The following UBTD2 variants were observed in gnomAD, a reference collection of about 807,000 sequenced individuals.
UBTD2 encodes the protein ubiquitin domain-containing protein 2.
Under a neutral mutation model 19.8 loss-of-function variants are expected in UBTD2, and 9 were observed. That is an observed-to-expected ratio of 0.46 (90% CI 0.27 to 0.79). The LOEUF is 0.79. Among genes scored for constraint, UBTD2 ranks in the 30% least tolerant of loss-of-function variants. The pLI is 0.14. For missense variants in UBTD2, 250 were observed against 300.4 expected (o/e 0.83, Z 1.24); for synonymous variants, 98 against 103.9 (o/e 0.94, Z 0.35).
chr5:172,214,844 T>C (rs1327860743), intron 2 of UBTD2, among the ~76,000 whole-genome samples: 1 of 152,240 alleles, frequency 6.6e-6, no homozygotes, highest in East Asian at 1.9e-4. Flanking sequence ...AATCAGACTT[T>C]CTGTTTCTAG....
chr5:172,235,819 A>G (rs1165167298), intron 1 of UBTD2, among the ~76,000 whole-genome samples: 1 of 151,678 alleles, frequency 6.6e-6, no homozygotes, highest in African/African-American at 2.4e-5. Context: ...GATAGAAGAT[A>G]GAAAGAAAAT....
At position 172,210,123 on chromosome 5, in the gene UBTD2, AATC is replaced by A. The variant is rs1771409655; in HGVS notation, c.*1704_*1706del. On this transcript the variant is annotated 3_prime_UTR_variant, in exon 3 of 3. Coordinates refer to ENST00000393792, the MANE Select transcript of UBTD2 (RefSeq NM_152277.3). Reference sequence around the variant, plus strand: ...GTGGTCTTCACTTGAATTTAGATTCAATCATCAGCAAATTTAAATTAGATATAG... The same window carrying A: ...GTGGTCTTCACTTGAATTTAGATTCAATCAGCAAATTTAAATTAGATATAG... 2 of 152,344 alleles carry A rather than the reference AATC, an allele frequency of 1.3e-5. No individual in the cohort carries two copies. The highest frequency in any genetic ancestry group is 4.8e-5 in the African/African-American group (2 of 41,582). 9.4% of individuals were successfully genotyped at this position (152,344 alleles called of 1,614,324 possible).
At chr5:172,246,751 CTTTTTTTTTTTTTT>C (rs70982379) in intron 1 of UBTD2, among the ~76,000 whole-genome samples, 665 of 62,540 alleles carry the variant, frequency 0.011, 11 homozygotes, top group African/African-American at 0.042. Flanking sequence ...GCCGAGATTG[CTTTTTTTTTTTTTT>C]TTTTTTTTTT....
chr5:172,212,263 C>T (rs1771467400), intron 2 of UBTD2, 36 bp from the exon 3 acceptor site: 2 of 1,542,028 alleles, frequency 1.3e-6, no homozygotes. Flanking sequence ...GAACTTAATC[C>T]TTAATGAATG....
chr5:172,227,806 G>A lies in UBTD2; in HGVS notation c.307+6316C>T, dbSNP rs918277735. On this transcript the variant is annotated intron_variant, in intron 2 of 2. Coordinates refer to ENST00000393792, the MANE Select transcript of UBTD2 (RefSeq NM_152277.3). Reference sequence around the variant, plus strand: ...AGCAATTCTCCTGCCTCAGCCTCCCGAGTAGCTGGGATTACAGGCACCCGC... The same window carrying A: ...AGCAATTCTCCTGCCTCAGCCTCCCAAGTAGCTGGGATTACAGGCACCCGC... 3.6e-5 allele frequency among the ~76,000 whole-genome samples: 5 copies of A among 140,258 alleles called. No individual in the cohort carries two copies. In the East Asian group the frequency reaches 9.1e-4, roughly 26 times the overall value. The allele number at this position is 140,258 out of a possible 152,430, so 92.0% of individuals were successfully genotyped here.
chr5:172,213,493 A>G (rs1771487564), intron 2 of UBTD2, among the ~76,000 whole-genome samples: 1 of 152,254 alleles, frequency 6.6e-6, no homozygotes, highest in Admixed American at 6.5e-5. Context: ...TGGATTAAAA[A>G]GGAAAAACAA....
intron 1 of UBTD2, among the ~76,000 whole-genome samples, chr5:172,276,929 T>C (rs1021609119): frequency 1.3e-4 from 20 of 151,408 alleles, no homozygotes; most frequent in African/African-American, 4.6e-4. Flanking sequence ...AATTAGCCGG[T>C]GTGGAGGTGC....
chr5:172,258,660 G>C (rs756292957), intron 1 of UBTD2, among the ~76,000 whole-genome samples: 1 of 152,106 alleles, frequency 6.6e-6, no homozygotes, highest in Non-Finnish European at 1.5e-5. Context: ...TCTTGTTGTA[G>C]AGATCTTTCA....
At chr5:172,213,492 A>G (rs1417887874) in intron 2 of UBTD2, among the ~76,000 whole-genome samples, 1 of 152,244 alleles carries the variant, frequency 6.6e-6, no homozygotes, top group Non-Finnish European at 1.5e-5. Flanking sequence ...ATGGATTAAA[A>G]AGGAAAAACA....
intron 2 of UBTD2, among the ~76,000 whole-genome samples, chr5:172,232,316 T>TAAAAAAAAAAAAAAAAAAAAAAAAAAAA (rs10558751): frequency 7.6e-6 from 1 of 132,036 alleles, no homozygotes; most frequent in African/African-American, 2.7e-5. Context: ...CTCACTGTCA[T>TAAAAAAAAAAAAAAAAAAAAAAAAAAAA]AAAAAAAAAA....
At chr5:172,232,825 A>G (rs1325422025) in intron 2 of UBTD2, among the ~76,000 whole-genome samples, 1 of 152,016 alleles carries the variant, frequency 6.6e-6, no homozygotes, top group Non-Finnish European at 1.5e-5. Context: ...TCGAGGCTGC[A>G]ATGAGCTGTC....
chr5:172,214,318 C>T (rs188128979), intron 2 of UBTD2, among the ~76,000 whole-genome samples: 67 of 152,256 alleles, frequency 4.4e-4, no homozygotes, highest in Non-Finnish European at 7.5e-4. Context: ...GGTCATCAAC[C>T]CACCACAGGT....
intron 1 of UBTD2, among the ~76,000 whole-genome samples, chr5:172,247,471 C>T (rs1420175855): frequency 6.6e-6 from 1 of 152,010 alleles, no homozygotes; most frequent in Non-Finnish European, 1.5e-5. Context: ...ATGATCACAC[C>T]ACTGCACTCC....
intron 1 of UBTD2, among the ~76,000 whole-genome samples, chr5:172,272,453 C>T (rs946335475): frequency 1.7e-4 from 26 of 152,018 alleles, no homozygotes; most frequent in Non-Finnish European, 3.7e-4. Context: ...GGTGCAGTGG[C>T]CCCCCAAATG....
At chr5:172,256,530 C>T (rs58993458) in intron 1 of UBTD2, among the ~76,000 whole-genome samples, 45,500 of 142,390 alleles carry the variant, frequency 0.32, 7,156 homozygotes, top group South Asian at 0.43. Flanking sequence ...CCATGCCCAG[C>T]TTTTTTTTTT....
At chr5:172,243,577 T>TTTTTTTG (rs1772175483) in intron 1 of UBTD2, among the ~76,000 whole-genome samples, 1 of 117,878 alleles carries the variant, frequency 8.5e-6, no homozygotes. Flanking sequence ...TTTTTTTTTT[T>TTTTTTTG]AAGAGAGGGA....
chr5:172,248,586 T>TA (rs772834913), intron 1 of UBTD2, among the ~76,000 whole-genome samples: 2,812 of 137,044 alleles, frequency 0.021, 28 homozygotes, highest in African/African-American at 0.024. Flanking sequence ...AGACTCCGTC[T>TA]AAAAAAAAAA....
Position 172,245,543 on chromosome 5 carries a change from C to T in UBTD2, c.71-11185G>A, listed in dbSNP as rs757221576. ...CCTGGGCAACATGGTGAAACCTCAC[C>T]TCTACTAAAAATACAAAAATTAGCC... On this transcript the variant is annotated intron_variant, in intron 1 of 2. Coordinates refer to ENST00000393792, the MANE Select transcript of UBTD2 (RefSeq NM_152277.3). Among the ~76,000 whole-genome samples the T allele has an allele frequency of 8.5e-4, 130 of 152,070 alleles. 1 individual carries two copies. The highest frequency in any genetic ancestry group is 3.9e-4 in the Admixed American group (6 of 15,264).
Position 172,263,367 on chromosome 5 carries a change from G to C in UBTD2, c.70+20229C>G, listed in dbSNP as rs140683294. ...ACAAGAGTTGGGAAGGGAGACTTTC[G>C]TAAGTTAAAATAGGACAGTAGTTGT... On this transcript the variant is annotated intron_variant, in intron 1 of 2. Transcript: ENST00000393792. Among the ~76,000 whole-genome samples, 282 of 152,254 alleles carry C rather than the reference G, an allele frequency of 1.9e-3. 3 individuals carry two copies. Among genetic ancestry groups the C allele is most frequent in the African/African-American group, 6.5e-3 (271 of 41,548 alleles).
Sources: gnomAD v4.1 joint callset for allele counts (sites outside exome capture counted in the v4.1 genomes callset) on GRCh38, gnomAD v4.1.1 for gene constraint, MANE v1.5 for transcripts, NCBI Gene and HGNC (gene_info 2026-07-23, HGNC 2026-07-21) for gene names.